Variants in TM7SF3 observed in about 807,000 individuals in gnomAD.
TM7SF3 encodes the protein seven span transmembrane protein.
Under a neutral mutation model 65.5 loss-of-function variants are expected in TM7SF3, and 60 were observed. The ratio of observed to expected loss-of-function variants is 0.92; its 90% confidence interval spans 0.74 to 1.14. The LOEUF is 1.14. Ranked by LOEUF, TM7SF3 falls within the 50% of genes most tolerant of loss-of-function variation. The pLI is 0.00. For missense variants in TM7SF3, 623 were observed against 684.8 expected, an observed-to-expected ratio of 0.91 and a Z score of 1.01; for synonymous variants, 264 against 259.6, an observed-to-expected ratio of 1.02 and a Z score of -0.16.
intron 5 of TM7SF3, among the ~76,000 whole-genome samples, chr12:26,994,385 C>A (rs898854882): frequency 6.6e-6 from 1 of 152,160 alleles, no homozygotes. Context: ...ATAAAAATCA[C>A]CTGAGGGCTG....
At chr12:26,999,701 A>C (rs1451984685) in intron 2 of TM7SF3, 25 bp from the exon 3 acceptor site, 67 of 1,612,618 alleles carry the variant, frequency 4.2e-5, no homozygotes, top group Non-Finnish European at 5.6e-5. Flanking sequence ...AAACATTGTC[A>C]TGAATAGGAA....
At chr12:27,010,409 G>A (rs944202122) in intron 1 of TM7SF3, among the ~76,000 whole-genome samples, 9 of 152,200 alleles carry the variant, frequency 5.9e-5, no homozygotes, top group African/African-American at 9.7e-5. Context: ...TAAGCATTAC[G>A]TTGAGAAAGA....
intron 8 of TM7SF3, chr12:26,980,143 A>G: frequency 4.9e-6 from 3 of 611,674 alleles, no homozygotes; most frequent in Non-Finnish European, 2.8e-6. Context: ...TAGGGAGCTA[A>G]ACCTCACAGG....
intron 9 of TM7SF3, chr12:26,978,436 T>C (rs1939664418): frequency 6.6e-6 from 1 of 152,354 alleles, no homozygotes; most frequent in Non-Finnish European, 1.5e-5. Flanking sequence ...TATAGAAGGT[T>C]TTTTCCTGAC....
At chr12:26,993,873 AAG>A (rs1940479604) in intron 5 of TM7SF3, among the ~76,000 whole-genome samples, 1 of 152,226 alleles carries the variant, frequency 6.6e-6, no homozygotes, top group Admixed American at 6.5e-5. Context: ...AATTTGCTGT[AAG>A]AGTCTCCTCC....
chr12:26,986,146 T>A (rs992199669), intron 6 of TM7SF3, among the ~76,000 whole-genome samples: 1 of 151,910 alleles, frequency 6.6e-6, no homozygotes, highest in Non-Finnish European at 1.5e-5. Flanking sequence ...CAAATTTCAG[T>A]CTCCTGAACC....
chr12:26,982,672 G>A (rs748269155), intron 7 of TM7SF3, 101 bp downstream of exon 7: 6 of 729,164 alleles, frequency 8.2e-6, no homozygotes, highest in Non-Finnish European at 1.3e-5. Flanking sequence ...AATCTATGAA[G>A]ATAGTAGAGA....
intron 5 of TM7SF3, among the ~76,000 whole-genome samples, chr12:26,993,078 G>T (rs547793634): frequency 3.1e-4 from 47 of 151,778 alleles, no homozygotes; most frequent in African/African-American, 1.0e-3. Flanking sequence ...GAACTTTTTG[G>T]TTTTTTTAGT....
At chr12:26,988,281 A>G (rs139017978) in intron 6 of TM7SF3, among the ~76,000 whole-genome samples, 438 of 152,160 alleles carry the variant, frequency 2.9e-3, no homozygotes, top group African/African-American at 9.8e-3. Flanking sequence ...TTCCCACCTT[A>G]GACTACCAAG....
intron 4 of TM7SF3, among the ~76,000 whole-genome samples, 156 bp downstream of exon 4, chr12:26,996,586 A>T (rs930147334): frequency 2.6e-5 from 4 of 152,230 alleles, no homozygotes; most frequent in Non-Finnish European, 5.9e-5. Flanking sequence ...TGACAGTCCA[A>T]ATATTAATAG....
intron 1 of TM7SF3, among the ~76,000 whole-genome samples, chr12:27,007,001 G>T (rs559829672): frequency 6.6e-6 from 1 of 152,306 alleles, no homozygotes; most frequent in South Asian, 2.1e-4. Context: ...TGCTGTGACA[G>T]TGTAACAGAT....
intron 5 of TM7SF3, among the ~76,000 whole-genome samples, chr12:26,990,879 T>C (rs1940325588): frequency 6.6e-6 from 1 of 152,158 alleles, no homozygotes; most frequent in Admixed American, 6.5e-5. Context: ...ATATAAACAA[T>C]GTATAAATGC....
chr12:27,008,795 T>A (rs1181673183), intron 1 of TM7SF3, among the ~76,000 whole-genome samples: 1 of 152,146 alleles, frequency 6.6e-6, no homozygotes, highest in African/African-American at 2.4e-5. Flanking sequence ...GTTCTCTCAC[T>A]TATAAATGGG....
chr12:26,998,598 C>T (rs1940699997), intron 3 of TM7SF3, among the ~76,000 whole-genome samples: 1 of 152,168 alleles, frequency 6.6e-6, no homozygotes, highest in Admixed American at 6.5e-5. Flanking sequence ...AACCACCAGT[C>T]ATTGTGTTGT....
chr12:26,986,214 A>G (rs1054372321), intron 6 of TM7SF3, among the ~76,000 whole-genome samples: 1 of 150,970 alleles, frequency 6.6e-6, no homozygotes, highest in African/African-American at 2.5e-5. Flanking sequence ...AAGAACTCTG[A>G]TAAGTCAGCT....
chr12:26,992,905 C>CTTTTT (rs1202323508), intron 5 of TM7SF3, among the ~76,000 whole-genome samples: 8 of 110,008 alleles, frequency 7.3e-5, no homozygotes, highest in Non-Finnish European at 1.3e-4. Flanking sequence ...TCCCTAATGT[C>CTTTTT]TTTTTTTTTT....
chr12:26,996,745 G>C lies in TM7SF3; in HGVS notation c.515C>G (p.Ala172Gly), dbSNP rs138864482. The C allele has an allele frequency of 6.2e-7, 1 of 1,610,444 alleles. No individual in the cohort carries two copies. ...CAGACATGGGAGACAGACGTACCTC[G>C]CATAGCCTAGGTTTGCTGGGGCAAA... Reference protein sequence around the residue: ...IKFAPANLGYARGVDPPPCDA... With the variant: ...IKFAPANLGYGRGVDPPPCDA... Residue 172 changes from alanine to glycine, a missense_variant, in exon 4 of 12, where the codon GCG (alanine) becomes GGG (glycine). Physicochemically the swap from Ala to Gly is moderately conservative, Grantham distance 60. Coordinates refer to ENST00000343028, the MANE Select transcript of TM7SF3 (RefSeq NM_016551.3).
intron 8 of TM7SF3, chr12:26,980,264 C>T: frequency 5.7e-6 from 3 of 523,950 alleles, no homozygotes; most frequent in Non-Finnish European, 1.0e-5. Flanking sequence ...GTAAAGAAAA[C>T]CTCAACATTT....
intron 3 of TM7SF3, among the ~76,000 whole-genome samples, chr12:26,997,442 A>G (rs1466732593): frequency 6.6e-6 from 1 of 152,150 alleles, no homozygotes; most frequent in Non-Finnish European, 1.5e-5. Flanking sequence ...GATCTTTACC[A>G]CACCACAAAT....
Sources: gnomAD v4.1 joint callset for allele counts (sites outside exome capture counted in the v4.1 genomes callset) on GRCh38, gnomAD v4.1.1 for gene constraint, MANE v1.5 for transcripts, NCBI Gene and HGNC (gene_info 2026-07-23, HGNC 2026-07-21) for gene names.